The following C8orf34 variants were observed in gnomAD, a reference collection of about 807,000 sequenced individuals.
C8orf34 encodes chromosome 8 open reading frame 34.
Under a neutral mutation model 68.3 loss-of-function variants are expected in C8orf34, and 65 were observed. That is an observed-to-expected ratio of 0.95 (90% CI 0.78 to 1.17). The LOEUF is 1.17. Among genes scored for constraint, C8orf34 ranks in the 50% most tolerant of loss-of-function variants. C8orf34 has a pLI of 0.00. For missense variants in C8orf34, 664 were observed against 655.4 expected, an observed-to-expected ratio of 1.01 and a Z score of -0.14; for synonymous variants, 244 against 241.2, an observed-to-expected ratio of 1.01 and a Z score of -0.11.
chr8:68,483,544 C>T (rs1812950262), intron 4 of C8orf34, among the ~76,000 whole-genome samples: 1 of 152,052 alleles, frequency 6.6e-6, no homozygotes, highest in African/African-American at 2.4e-5. Flanking sequence ...GTTGTTTTGA[C>T]CTAATGGCAG....
Position 68,501,305 on chromosome 8 carries a change from GA to G in C8orf34, c.765+13256del, listed in dbSNP as rs371574395. On this transcript the variant is annotated intron_variant, in intron 5 of 13. Coordinates refer to ENST00000518698, the MANE Select transcript of C8orf34 (RefSeq NM_052958.4). Reference sequence around the variant, plus strand: ...GAAGACCTAAGTAGTGTCCATTTGGGAATTTCAGCCAGAATAGGAAGGAGCA... The same window carrying G: ...GAAGACCTAAGTAGTGTCCATTTGGGATTTCAGCCAGAATAGGAAGGAGCA... Among the ~76,000 whole-genome samples the G allele has an allele frequency of 1.2e-3, 185 of 152,266 alleles. 1 individual carries two copies. The highest frequency in any genetic ancestry group is 3.4e-3 in the Middle Eastern group (1 of 294).
At chr8:68,614,463 TG>T (rs1818130384) in intron 7 of C8orf34, among the ~76,000 whole-genome samples, 1 of 152,148 alleles carries the variant, frequency 6.6e-6, no homozygotes, top group African/African-American at 2.4e-5. Flanking sequence ...AATTAATTTT[TG>T]TATAAGGTAT....
intron 9 of C8orf34, among the ~76,000 whole-genome samples, chr8:68,710,765 C>T (rs531366517): frequency 1.3e-5 from 2 of 152,162 alleles, no homozygotes; most frequent in African/African-American, 2.4e-5. Context: ...CCTGAGAAAC[C>T]TGAATACTTA....
intron 1 of C8orf34, among the ~76,000 whole-genome samples, chr8:68,421,263 A>C (rs1483441380): frequency 6.6e-6 from 1 of 152,228 alleles, no homozygotes; most frequent in East Asian, 1.9e-4. Context: ...GAAATCTAGA[A>C]AGAAGAAGGT....
At chr8:68,382,465 A>T (rs1053002062) in intron 1 of C8orf34, among the ~76,000 whole-genome samples, 4 of 152,248 alleles carry the variant, frequency 2.6e-5, no homozygotes, top group Non-Finnish European at 5.9e-5. Context: ...AGAGTTCAAA[A>T]GTAACGTGTA....
chr8:68,746,250 A>C (rs1167582173), intron 10 of C8orf34, among the ~76,000 whole-genome samples: 2 of 151,136 alleles, frequency 1.3e-5, no homozygotes, highest in Admixed American at 6.6e-5. Flanking sequence ...GTAGAGGGAA[A>C]TTTATAGCAC....
chr8:68,726,401 C>A (rs1821832143), intron 10 of C8orf34, among the ~76,000 whole-genome samples: 1 of 151,836 alleles, frequency 6.6e-6, no homozygotes, highest in Non-Finnish European at 1.5e-5. Flanking sequence ...GGAAAGAGGT[C>A]CTGGGATGGG....
chr8:68,706,931 TC>T (rs1280742172), intron 8 of C8orf34, among the ~76,000 whole-genome samples: 1 of 152,142 alleles, frequency 6.6e-6, no homozygotes, highest in Non-Finnish European at 1.5e-5. Context: ...GGTGAGACTT[TC>T]CAATATGAAA....
chr8:68,714,795 G>A (rs954924447), intron 9 of C8orf34, among the ~76,000 whole-genome samples: 10 of 151,932 alleles, frequency 6.6e-5, no homozygotes, highest in Admixed American at 1.3e-4. Context: ...ATATGGAACC[G>A]AAAAAGAGAC....
At chr8:68,537,775 T>C (rs1815539763) in intron 7 of C8orf34, among the ~76,000 whole-genome samples, 1 of 152,142 alleles carries the variant, frequency 6.6e-6, no homozygotes, top group Non-Finnish European at 1.5e-5. Context: ...GTTTTGTTTT[T>C]CATACCCTTC....
chr8:68,544,441 A>T (rs767385819), intron 7 of C8orf34, among the ~76,000 whole-genome samples: 1 of 152,182 alleles, frequency 6.6e-6, no homozygotes, highest in African/African-American at 2.4e-5. Flanking sequence ...CATGAGTACA[A>T]AGGTGAAGTT....
At chr8:68,603,415 C>T (rs1430866076) in intron 7 of C8orf34, among the ~76,000 whole-genome samples, 3 of 151,930 alleles carry the variant, frequency 2.0e-5, no homozygotes, top group African/African-American at 7.3e-5. Context: ...TCATTTATAA[C>T]TGTCCCAAAC....
chr8:68,394,324 T>A (rs1409534298), intron 1 of C8orf34, among the ~76,000 whole-genome samples: 1 of 146,648 alleles, frequency 6.8e-6, no homozygotes, highest in Non-Finnish European at 1.5e-5. Context: ...CACCTGTGAG[T>A]GAGAATATGC....
At chr8:68,595,281 A>T (rs2130460569) in intron 7 of C8orf34, among the ~76,000 whole-genome samples, 1 of 152,158 alleles carries the variant, frequency 6.6e-6, no homozygotes, top group Admixed American at 6.6e-5. Flanking sequence ...TCTTTAAACA[A>T]TTGTCAATTG....
intron 12 of C8orf34, among the ~76,000 whole-genome samples, chr8:68,800,064 A>G (rs909544397): frequency 6.6e-6 from 1 of 152,182 alleles, no homozygotes; most frequent in African/African-American, 2.4e-5. Context: ...ATATGCCTGG[A>G]AAACTAAGTC....
intron 4 of C8orf34, among the ~76,000 whole-genome samples, chr8:68,475,650 C>A (rs558154366): frequency 6.6e-6 from 1 of 152,294 alleles, no homozygotes; most frequent in East Asian, 1.9e-4. Context: ...AAATAGATAG[C>A]TAAGTAAGCA....
intron 13 of C8orf34, among the ~76,000 whole-genome samples, 160 bp downstream of exon 13, chr8:68,816,105 A>AGTGTGT (rs71554629): frequency 0.068 from 9,858 of 144,472 alleles, 375 homozygotes; most frequent in Middle Eastern, 0.096. Flanking sequence ...ATTTCCTAAG[A>AGTGTGT]GTGTGTGTGT....
At chr8:68,423,528 C>G (rs1037740208) in intron 1 of C8orf34, among the ~76,000 whole-genome samples, 7 of 152,138 alleles carry the variant, frequency 4.6e-5, no homozygotes, top group African/African-American at 1.7e-4. Flanking sequence ...CCACATCTTC[C>G]TATCTTCTGA....
chr8:68,533,244 T>A, intron 7 of C8orf34, 95 bp downstream of exon 7: 1 of 1,452,564 alleles, frequency 6.9e-7, no homozygotes. Context: ...TGAATAGCCT[T>A]GTCTTAGGGA....
Sources: gnomAD v4.1 joint callset for allele counts (sites outside exome capture counted in the v4.1 genomes callset) on GRCh38, gnomAD v4.1.1 for gene constraint, MANE v1.5 for transcripts, NCBI Gene and HGNC (gene_info 2026-07-23, HGNC 2026-07-21) for gene names.